The following ZNF341 variants were observed in gnomAD, a reference collection of about 807,000 sequenced individuals.
ZNF341 encodes the protein zinc finger protein 341.
ZNF341 carries 52 observed loss-of-function variants against 87.7 expected under a neutral mutation model. The observed-to-expected ratio is 0.59, with a 90% CI of 0.47 to 0.75. The LOEUF (loss-of-function observed/expected upper bound fraction) is 0.75. ZNF341 is among the 30% of genes least tolerant of loss of function. The probability of loss-of-function intolerance (pLI) is 0.00; values close to 1 mark genes in which losing one functional copy is unlikely to be tolerated. For synonymous variants in ZNF341, 459 were observed against 472.7 expected (o/e 0.97, Z 0.38); for missense variants, 977 against 1,145.9 (o/e 0.85, Z 2.13).
rs1387782469 is a variant in ZNF341, at chr20:33,772,034, A to AAAG, written c.1622+1743_1622+1744insAGA. Among the ~76,000 whole-genome samples, 4 of 150,266 alleles carry AAAG rather than the reference A, an allele frequency of 2.7e-5. No individual in the cohort carries two copies. The East Asian group carries it at 7.8e-4, about 29-fold the overall frequency. ...TTAAAAAAAAAAAAAAAAAAAAAAA[A>AAAG]AGATCTTCACGTCATTCTCTTTGGA... On this transcript the variant is annotated intron_variant, in intron 10 of 14. Coordinates refer to ENST00000375200, the MANE Select transcript of ZNF341 (RefSeq NM_001282933.2).
At chr20:33,767,096 G>A in intron 9 of ZNF341, 55 bp downstream of exon 9, 1 of 1,556,762 alleles carries the variant, frequency 6.4e-7, no homozygotes, top group East Asian at 2.3e-5. Context: ...ACCTTTCACT[G>A]GTGCTAGGGT....
In ZNF341 at chr20:33,791,865, C is replaced by G. The variant is rs1360554761; in HGVS notation, c.*348C>G. 1.5e-5 allele frequency: 4 copies of G among 269,866 alleles called. No homozygotes were observed. The highest frequency in any genetic ancestry group is 2.8e-5 in the Non-Finnish European group (4 of 143,006). 16.7% of individuals were successfully genotyped at this position (269,866 alleles called of 1,614,324 possible). On this transcript the variant is annotated 3_prime_UTR_variant, in exon 15 of 15. Transcript: ENST00000375200. ...AGGAGACAGGGCATTCCTCCCCACT[C>G]TGTCTCCAGGCTGCCTCTGGGTAGC... is the stretch of plus-strand genomic sequence containing the variant.
chr20:33,754,982 G>A lies in ZNF341; in HGVS notation c.741+1559G>A, dbSNP rs141258843. Among the ~76,000 whole-genome samples, 419 of 152,206 alleles carry A rather than the reference G, an allele frequency of 2.8e-3. 2 individuals are homozygous for A. The highest frequency in any genetic ancestry group is 9.7e-3 in the African/African-American group (402 of 41,524). On this transcript the variant is annotated intron_variant, in intron 5 of 14. Transcript: ENST00000375200. ...ATTTGAGACAGAGTCTCACTCTATC[G>A]CCCAGGTTGGAGTGCAGTGGTGTGA... is the stretch of plus-strand genomic sequence containing the variant.
rs1441957112 is a variant in ZNF341, at chr20:33,791,789, G to A, written c.*272G>A. The A allele has an allele frequency of 4.7e-6, 2 of 426,198 alleles. No homozygotes were observed. The highest frequency in any genetic ancestry group is 8.4e-6 in the Non-Finnish European group (2 of 239,382). 26.4% of individuals were successfully genotyped at this position (426,198 alleles called of 1,614,324 possible). ...GGCAGGAGAGAGATGGCTGAAGCCT[G>A]AGCAGCCCAGAGTCCCGCTGGTCTA... On this transcript the variant is annotated 3_prime_UTR_variant, in exon 15 of 15. Transcript: ENST00000375200.
At chr20:33,747,546 C>T (rs1452461208) in intron 3 of ZNF341, among the ~76,000 whole-genome samples, 1 of 110,832 alleles carries the variant, frequency 9.0e-6, no homozygotes, top group East Asian at 3.0e-4. Flanking sequence ...ACCCGGGAGG[C>T]GGAGCTTGCA....
chr20:33,787,237 T>C (rs1418385735), intron 12 of ZNF341: 1 of 152,096 alleles, frequency 6.6e-6, no homozygotes, highest in African/African-American at 2.4e-5. Flanking sequence ...CTTTCTTTTT[T>C]TTTTGTTGGA....
At position 33,770,021 on chromosome 20, in the gene ZNF341, C is replaced by G. The variant is rs562150864; in HGVS notation, c.1414-63C>G. The stretch of plus-strand genomic sequence containing the variant: ...CAGTGTCCAAGGCCAATGCCACAGG[C>G]CAGGGGCTGCAGTGGAGGAAGCTCT... On this transcript the variant is annotated intron_variant, in intron 9 of 14. Transcript: ENST00000375200. 63 of 1,176,196 alleles carry G rather than the reference C, an allele frequency of 5.4e-5. 1 individual carries two copies. The South Asian group carries it at 7.9e-4, about 15-fold the overall frequency. The allele number at this position is 1,176,196 out of a possible 1,614,324, so 72.9% of individuals were successfully genotyped here. A position where few individuals can be genotyped will look rare whatever the true frequency, so the allele number is the denominator to read the frequency against.
In ZNF341 at chr20:33,765,673, C is replaced by T. The variant is rs114066351; in HGVS notation, c.1223-1178C>T. 4.3e-3 allele frequency among the ~76,000 whole-genome samples: 658 copies of T among 152,294 alleles called. 6 individuals are homozygous for T. Among genetic ancestry groups the T allele is most frequent in the African/African-American group, 0.015 (617 of 41,564 alleles). ...GGGATTATAGGAATGAGCCATCACA[C>T]GGCCCTAAAGAATAAATAATTTCTT... On this transcript the variant is annotated intron_variant, in intron 8 of 14. Coordinates refer to ENST00000375200, the MANE Select transcript of ZNF341 (RefSeq NM_001282933.2).
chr20:33,773,868 T>C (rs917529071), intron 10 of ZNF341, among the ~76,000 whole-genome samples: 1 of 152,138 alleles, frequency 6.6e-6, no homozygotes, highest in Non-Finnish European at 1.5e-5. Flanking sequence ...TCATTCTGGT[T>C]TCTGTTCCCT....
rs934304330 is a variant in ZNF341 at position 33,732,911 on chromosome 20, A to G, written c.31+859A>G. 6.6e-6 allele frequency among the ~76,000 whole-genome samples: 1 copy of G among 152,238 alleles called. No homozygotes were observed. The highest frequency in any genetic ancestry group is 2.4e-5 in the African/African-American group (1 of 41,470). On this transcript the variant is annotated intron_variant, in intron 1 of 14. Transcript: ENST00000375200. The surrounding 1 kb of genome is among the most constrained non-coding windows in gnomAD (Gnocchi z 4.5). ...TGGCGCAGAATAGATATTGTGGGAA[A>G]TACAGACCAAGAATGGTCTTGGAGG...
chr20:33,759,661 G>A (rs560372171), intron 7 of ZNF341, among the ~76,000 whole-genome samples: 1 of 152,262 alleles, frequency 6.6e-6, no homozygotes, highest in South Asian at 2.1e-4. Context: ...TATTCCCTTT[G>A]CAATTTCAGT....
rs1171402724 is a variant in ZNF341 at position 33,764,543 on chromosome 20, G to GTATATATATA, written c.1223-2298_1223-2289dup. 2.3e-3 allele frequency among the ~76,000 whole-genome samples: 157 copies of GTATATATATA among 69,308 alleles called. 1 individual carries two copies. Among genetic ancestry groups the GTATATATATA allele is most frequent in the East Asian group, 6.3e-3 (5 of 790 alleles). 45.5% of individuals were successfully genotyped at this position (69,308 alleles called of 152,430 possible). A position where few individuals can be genotyped will look rare whatever the true frequency, so the allele number is the denominator to read the frequency against. Reference sequence around the variant, plus strand: ...TATATATATGTGTGTGTGTGTATGTGTATATATATATATATATATTTTTTT... The same window carrying GTATATATATA: ...TATATATATGTGTGTGTGTGTATGTGTATATATATATATATATATATATATATATTTTTTT... On this transcript the variant is annotated intron_variant, in intron 8 of 14. Coordinates refer to ENST00000375200, the MANE Select transcript of ZNF341 (RefSeq NM_001282933.2).
chr20:33,762,134 C>T (rs2019308737), intron 8 of ZNF341, 79 bp downstream of exon 8: 2 of 1,380,408 alleles, frequency 1.4e-6, no homozygotes, highest in South Asian at 3.1e-5. Context: ...GCTGTGTGAC[C>T]TTGGGCAAAC....
chr20:33,737,551 G>C lies in ZNF341; in HGVS notation c.32-3351G>C, dbSNP rs140596546. Reference sequence around the variant, plus strand: ...TTAGCCAGGATGGTCTTGATCTCCTGACCTCATGATCTGCCCACCTTGGCC... The same window carrying C: ...TTAGCCAGGATGGTCTTGATCTCCTCACCTCATGATCTGCCCACCTTGGCC... On this transcript the variant is annotated intron_variant, in intron 1 of 14. Coordinates refer to ENST00000375200, the MANE Select transcript of ZNF341 (RefSeq NM_001282933.2). Among the ~76,000 whole-genome samples, 689 of 152,254 alleles carry C rather than the reference G, an allele frequency of 4.5e-3. 4 individuals are homozygous for C. Among genetic ancestry groups the C allele is most frequent in the Middle Eastern group, 0.014 (4 of 294 alleles).
intron 11 of ZNF341, 73 bp from the exon 12 acceptor site, chr20:33,783,659 C>G (rs576805117): frequency 1.1e-5 from 18 of 1,605,618 alleles, no homozygotes; most frequent in East Asian, 2.2e-5. Context: ...AAACGAGGAA[C>G]CTTTGAGTTC....
intron 10 of ZNF341, 43 bp downstream of exon 10, chr20:33,770,335 T>TGGGGTGGGGGGGGGGGG: frequency 5.3e-6 from 2 of 380,186 alleles, no homozygotes; most frequent in Admixed American, 3.0e-5. Context: ...GACGGGTGGG[T>TGGGGTGGGGGGGGGGGG]GGGCAGGGAG....
chr20:33,750,466 C>T (rs1461461428), intron 4 of ZNF341, among the ~76,000 whole-genome samples: 1 of 151,902 alleles, frequency 6.6e-6, no homozygotes, highest in Non-Finnish European at 1.5e-5. Flanking sequence ...TGATCAGCAT[C>T]ATGTTTTTAT....
intron 6 of ZNF341, among the ~76,000 whole-genome samples, chr20:33,757,826 A>G (rs1482820529): frequency 6.6e-6 from 1 of 152,208 alleles, no homozygotes; most frequent in East Asian, 1.9e-4. Flanking sequence ...GGAAGTGTCT[A>G]TTTTGGCTAG....
chr20:33,774,639 A>G (rs2019594789), intron 10 of ZNF341, among the ~76,000 whole-genome samples: 1 of 152,216 alleles, frequency 6.6e-6, no homozygotes, highest in Admixed American at 6.6e-5. Context: ...GGATCACTGC[A>G]CATGTGGTTT....
Sources: gnomAD v4.1 joint callset for allele counts (sites outside exome capture counted in the v4.1 genomes callset) on GRCh38, gnomAD v4.1.1 for gene constraint, Gnocchi (gnomAD v3.1) non-coding constraint, MANE v1.5 for transcripts, NCBI Gene and HGNC (gene_info 2026-07-23, HGNC 2026-07-21) for gene names.